The following PLCB1 variants were observed in gnomAD, a reference collection of about 807,000 sequenced individuals.
PLCB1 encodes the protein 1-phosphatidylinositol 4,5-bisphosphate phosphodiesterase beta-1.
A neutral mutation model predicts 161.8 loss-of-function variants in PLCB1; 46 were observed. The observed-to-expected ratio is 0.28, with a 90% CI of 0.22 to 0.36. PLCB1 has a LOEUF of 0.36. PLCB1 is among the 10% of genes least tolerant of loss of function. The pLI is 1.00. For missense variants in PLCB1, 1,016 were observed against 1,472.5 expected (o/e 0.69, Z 5.07); for synonymous variants, 517 against 503.7 (o/e 1.03, Z -0.35).
rs374178427 is a variant in PLCB1 at position 8,391,785 on chromosome 20, GTATATATATA to G, written c.246+20366_246+20375del. ...GAAGTATATATATATATATGTGTGT[GTATATATATA>G]TATATATATATATATATATATATAT... On this transcript the variant is annotated intron_variant, in intron 3 of 31. Coordinates refer to ENST00000338037, the MANE Select transcript of PLCB1 (RefSeq NM_015192.4). Among the ~76,000 whole-genome samples the G allele has an allele frequency of 9.5e-3, 1,095 of 115,138 alleles. 21 individuals carry two copies. The highest frequency in any genetic ancestry group is 0.057 in the East Asian group (215 of 3,794). 75.5% of individuals were successfully genotyped at this position (115,138 alleles called of 152,430 possible). A position where few individuals can be genotyped will look rare whatever the true frequency, so the allele number is the denominator to read the frequency against.
At chr20:8,577,211 C>T (rs938069937) in intron 3 of PLCB1, among the ~76,000 whole-genome samples, 11 of 151,082 alleles carry the variant, frequency 7.3e-5, no homozygotes, top group Admixed American at 5.3e-4. Context: ...GGGCGGATCA[C>T]GAGGTTGGGA....
At chr20:8,161,026 A>T (rs534191666) in intron 2 of PLCB1, among the ~76,000 whole-genome samples, 8 of 152,160 alleles carry the variant, frequency 5.3e-5, no homozygotes, top group African/African-American at 1.9e-4. Context: ...CTTTGCACAT[A>T]CCTTTTTATC....
intron 2 of PLCB1, among the ~76,000 whole-genome samples, chr20:8,264,133 T>C (rs1311548652): frequency 6.6e-6 from 1 of 152,204 alleles, no homozygotes; most frequent in African/African-American, 2.4e-5. Context: ...GTTTCTTCAA[T>C]TTTTAAATAT....
rs116520633 is a variant in PLCB1, at chr20:8,365,557, G to C, written c.178-5825G>C. On this transcript the variant is annotated intron_variant, in intron 2 of 31. Coordinates refer to ENST00000338037, the MANE Select transcript of PLCB1 (RefSeq NM_015192.4). Reference sequence around the variant, plus strand: ...ACAGATTTTTCACCCCCTCAGAAGTGGAATAAAGTTAAGGAACAAAGAATT... The same window carrying C: ...ACAGATTTTTCACCCCCTCAGAAGTCGAATAAAGTTAAGGAACAAAGAATT... 6.5e-3 allele frequency among the ~76,000 whole-genome samples: 982 copies of C among 152,174 alleles called. 8 individuals carry two copies. Among genetic ancestry groups the C allele is most frequent in the African/African-American group, 0.021 (882 of 41,510 alleles).
At chr20:8,489,894 A>C (rs1982873562) in intron 3 of PLCB1, among the ~76,000 whole-genome samples, 1 of 152,196 alleles carries the variant, frequency 6.6e-6, no homozygotes, top group African/African-American at 2.4e-5. Context: ...GTTCCAGGGC[A>C]CCAGAGGTTC....
At chr20:8,562,535 C>T (rs1021798597) in intron 3 of PLCB1, among the ~76,000 whole-genome samples, 2 of 152,094 alleles carry the variant, frequency 1.3e-5, no homozygotes, top group African/African-American at 2.4e-5. Context: ...AAGGCAATCC[C>T]ATTTGCTCTG....
intron 3 of PLCB1, among the ~76,000 whole-genome samples, chr20:8,523,508 A>T (rs1387431063): frequency 9.3e-6 from 1 of 108,044 alleles, no homozygotes; most frequent in East Asian, 2.4e-4. Flanking sequence ...ATATATATAT[A>T]TATATATATA....
Position 8,268,665 on chromosome 20 carries a change from A to G in PLCB1, c.178-102717A>G, listed in dbSNP as rs965010608. The stretch of plus-strand genomic sequence containing the variant: ...CCTTTTAATGATCGCCATTCTAACT[A>G]GTGTGACATGGTATCTCATTGTGGT... On this transcript the variant is annotated intron_variant, in intron 2 of 31. Transcript: ENST00000338037. Among the ~76,000 whole-genome samples, 26 of 152,168 alleles carry G rather than the reference A, an allele frequency of 1.7e-4. 1 individual carries two copies. The highest frequency in any genetic ancestry group is 5.5e-4 in the African/African-American group (23 of 41,444).
intron 18 of PLCB1, among the ~76,000 whole-genome samples, chr20:8,732,600 TATC>T (rs1185583442): frequency 2.1e-5 from 3 of 145,438 alleles, no homozygotes; most frequent in Non-Finnish European, 4.5e-5. Context: ...TTAGATAGTG[TATC>T]ATATTAGAAA....
intron 9 of PLCB1, among the ~76,000 whole-genome samples, chr20:8,662,352 ATG>A (rs1476568241): frequency 1.6e-5 from 2 of 123,740 alleles, no homozygotes; most frequent in African/African-American, 3.2e-5. Flanking sequence ...TATGTATAAT[ATG>A]TAATTATTTA....
chr20:8,419,648 G>T (rs375119318), intron 3 of PLCB1, among the ~76,000 whole-genome samples: 243 of 152,192 alleles, frequency 1.6e-3, no homozygotes, highest in African/African-American at 5.6e-3. Flanking sequence ...ACTAAGATAC[G>T]ATGCTCAGAA....
chr20:8,513,102 G>A (rs1983961927), intron 3 of PLCB1, among the ~76,000 whole-genome samples: 1 of 152,062 alleles, frequency 6.6e-6, no homozygotes. Context: ...TTTTTAAAAT[G>A]TTTAAACCAA....
intron 2 of PLCB1, among the ~76,000 whole-genome samples, chr20:8,240,226 C>T (rs562740720): frequency 4.6e-5 from 7 of 151,674 alleles, no homozygotes; most frequent in African/African-American, 9.7e-5. Flanking sequence ...AACAACAACA[C>T]AGGTTAACCG....
intron 23 of PLCB1, among the ~76,000 whole-genome samples, chr20:8,744,265 A>G (rs1389305029): frequency 6.6e-6 from 1 of 152,220 alleles, no homozygotes; most frequent in African/African-American, 2.4e-5. Flanking sequence ...AAGTGAAATT[A>G]CATGTATTTT....
chr20:8,216,067 T>A (rs562682161), intron 2 of PLCB1, among the ~76,000 whole-genome samples: 8 of 152,052 alleles, frequency 5.3e-5, no homozygotes, highest in Non-Finnish European at 1.0e-4. Flanking sequence ...TAGCTGATAT[T>A]TTAGGATCCT....
chr20:8,593,847 G>A (rs1987236588), intron 3 of PLCB1, among the ~76,000 whole-genome samples: 1 of 151,936 alleles, frequency 6.6e-6, no homozygotes, highest in South Asian at 2.1e-4. Flanking sequence ...CTTACTTTCT[G>A]CAAAGACACA....
intron 2 of PLCB1, among the ~76,000 whole-genome samples, chr20:8,192,472 G>C (rs1272384146): frequency 6.6e-6 from 1 of 151,820 alleles, no homozygotes; most frequent in Non-Finnish European, 1.5e-5. Flanking sequence ...GCCTTCCTGA[G>C]TATCTTAACA....
intron 5 of PLCB1, among the ~76,000 whole-genome samples, chr20:8,647,696 G>A (rs973250859): frequency 6.6e-6 from 1 of 152,132 alleles, no homozygotes; most frequent in Non-Finnish European, 1.5e-5. Context: ...CCTTTGGCAG[G>A]GCGTTTGGGA....
chr20:8,658,952 AT>A (rs1283981975), intron 9 of PLCB1, among the ~76,000 whole-genome samples: 1 of 152,062 alleles, frequency 6.6e-6, no homozygotes, highest in East Asian at 1.9e-4. Context: ...CTAATCCTTT[AT>A]TTTGTTTCAA....
Sources: allele counts gnomAD v4.1 joint callset (sites outside exome capture counted in the v4.1 genomes callset), GRCh38; gene constraint gnomAD v4.1.1; transcripts MANE v1.5; gene names NCBI Gene and HGNC (gene_info 2026-07-23, HGNC 2026-07-21).